DGKB: variants seen among roughly 807,000 people sequenced by gnomAD.
The protein encoded by DGKB is diacylglycerol kinase beta.
In DGKB, 67 loss-of-function variants were observed where a neutral mutation model predicts 114.3. The observed-to-expected ratio is 0.59, with a 90% CI of 0.48 to 0.72. DGKB has a LOEUF of 0.72. DGKB is among the 30% of genes least tolerant of loss of function. The pLI, the probability that DGKB is intolerant of heterozygous loss-of-function variation, is 0.00. For synonymous variants in DGKB, 398 were observed against 323.1 expected, an observed-to-expected ratio of 1.23 and a Z score of -2.49; for missense variants, 907 against 975.2, an observed-to-expected ratio of 0.93 and a Z score of 0.93.
intron 1 of DGKB, among the ~76,000 whole-genome samples, chr7:14,973,504 TTTTG>T (rs149923219): frequency 0.047 from 7,116 of 150,086 alleles, 178 homozygotes; most frequent in African/African-American, 0.062. Flanking sequence ...TTTTGTTTTG[TTTTG>T]TTTGTTTTTT....
intron 25 of DGKB, among the ~76,000 whole-genome samples, chr7:14,161,669 G>T (rs1398617391): frequency 2.6e-5 from 4 of 151,936 alleles, no homozygotes; most frequent in African/African-American, 4.8e-5. Context: ...CCTGTTGGGG[G>T]GTGGGGGGCA....
chr7:14,169,794 T>A (rs1780578464), intron 25 of DGKB, among the ~76,000 whole-genome samples: 1 of 151,792 alleles, frequency 6.6e-6, no homozygotes, highest in Admixed American at 6.6e-5. Context: ...TGAAAAGGGA[T>A]TTTCTGTTTT....
chr7:14,815,556 G>A (rs958895292), intron 2 of DGKB, among the ~76,000 whole-genome samples: 2 of 152,076 alleles, frequency 1.3e-5, no homozygotes, highest in Non-Finnish European at 2.9e-5. Flanking sequence ...GCTTACATAG[G>A]TGCTATGGCA....
chr7:14,948,180 A>T (rs1785984990), intron 1 of DGKB, among the ~76,000 whole-genome samples: 1 of 151,834 alleles, frequency 6.6e-6, no homozygotes, highest in African/African-American at 2.4e-5. Flanking sequence ...TAGAATAGCA[A>T]ATCTTAACAG....
At chr7:14,748,951 G>C (rs1187045126) in intron 4 of DGKB, among the ~76,000 whole-genome samples, 1 of 152,054 alleles carries the variant, frequency 6.6e-6, no homozygotes, top group Non-Finnish European at 1.5e-5. Context: ...AAAATACTAT[G>C]CGCTTACTGG....
chr7:14,955,904 T>C (rs898338487), intron 1 of DGKB, among the ~76,000 whole-genome samples: 4 of 151,968 alleles, frequency 2.6e-5, no homozygotes, highest in African/African-American at 9.7e-5. Context: ...TTTCAGGCCA[T>C]TGGAGATTAA....
Position 14,471,202 on chromosome 7 carries a change from A to G in DGKB, c.1835+6959T>C, listed in dbSNP as rs1044957192. 1.3e-4 allele frequency among the ~76,000 whole-genome samples: 14 copies of G among 109,352 alleles called. 2 individuals are homozygous for G. Among genetic ancestry groups the G allele is most frequent in the South Asian group, 3.0e-4 (1 of 3,364 alleles). The allele number at this position is 109,352 out of a possible 152,430, so 71.7% of individuals were successfully genotyped here. On this transcript the variant is annotated intron_variant, in intron 21 of 25. Coordinates refer to ENST00000402815, the MANE Select transcript of DGKB (RefSeq NM_001350709.2). ...ATGTATATATACATATATGTATGGA[A>G]TATATGTATATATACATATATATGT... is the stretch of plus-strand genomic sequence containing the variant.
chr7:14,193,198 A>C (rs1784557008), intron 23 of DGKB, among the ~76,000 whole-genome samples: 2 of 152,142 alleles, frequency 1.3e-5, no homozygotes, highest in South Asian at 4.1e-4. Flanking sequence ...AACAACTATA[A>C]AATTCTGTAG....
rs958718423 is a variant in DGKB at position 14,147,681 on chromosome 7, C to T, written c.*1450G>A. ...TAATAAATCATGCAGTTCAGGCACT[C>T]GTTTTCCTTATGGCATGTTTGAAAA... is the stretch of plus-strand genomic sequence containing the variant. On this transcript the variant is annotated 3_prime_UTR_variant, in exon 26 of 26. Transcript: ENST00000402815. The T allele has an allele frequency of 2.6e-5, 4 of 152,516 alleles. No individual in the cohort carries two copies. Among genetic ancestry groups the T allele is most frequent in the African/African-American group, 9.7e-5 (4 of 41,432 alleles). The allele number at this position is 152,516 out of a possible 1,614,324, so 9.4% of individuals were successfully genotyped here. A position where few individuals can be genotyped will look rare whatever the true frequency, so the allele number is the denominator to read the frequency against.
rs201650466 is a variant in DGKB at position 14,461,625 on chromosome 7, C to CA, written c.1835+16535dup. On this transcript the variant is annotated intron_variant, in intron 21 of 25. Transcript: ENST00000402815. ...AGGCTGTAATTAATAGCCTACAAAC[C>CA]AAAAAAAAGCCTAGGACCAGACAGA... 5.4e-3 allele frequency among the ~76,000 whole-genome samples: 811 copies of CA among 150,810 alleles called. 4 individuals carry two copies. The highest frequency in any genetic ancestry group is 0.017 in the Middle Eastern group (5 of 292).
intron 15 of DGKB, among the ~76,000 whole-genome samples, chr7:14,620,777 G>A (rs555552387): frequency 2.6e-5 from 4 of 151,746 alleles, no homozygotes; most frequent in Non-Finnish European, 5.9e-5. Context: ...GCCACAGGCG[G>A]TAAAGATAAC....
chr7:14,900,936 A>T (rs1262051761), intron 1 of DGKB, among the ~76,000 whole-genome samples: 1 of 152,172 alleles, frequency 6.6e-6, no homozygotes, highest in Non-Finnish European at 1.5e-5. Context: ...AATTTGCTCC[A>T]ACCATATTCT....
At chr7:14,162,172 A>G (rs1463546484) in intron 25 of DGKB, among the ~76,000 whole-genome samples, 1 of 152,240 alleles carries the variant, frequency 6.6e-6, no homozygotes, top group African/African-American at 2.4e-5. Context: ...AGGCAAGGTC[A>G]GAAGGCAAAT....
chr7:14,550,586 A>G (rs902320946), intron 20 of DGKB, among the ~76,000 whole-genome samples: 1 of 152,188 alleles, frequency 6.6e-6, no homozygotes, highest in African/African-American at 2.4e-5. Flanking sequence ...TTTATGTCAC[A>G]AAACAATAAA....
chr7:14,308,289 A>G (rs948881098), intron 23 of DGKB, among the ~76,000 whole-genome samples: 1 of 152,006 alleles, frequency 6.6e-6, no homozygotes, highest in Non-Finnish European at 1.5e-5. Context: ...AAATTTGGAC[A>G]TTTTCATTAT....
chr7:14,182,710 C>T (rs945035388), intron 23 of DGKB, among the ~76,000 whole-genome samples: 2 of 152,106 alleles, frequency 1.3e-5, no homozygotes, highest in African/African-American at 4.8e-5. Flanking sequence ...GATTAGAGGA[C>T]ACACGAGCAG....
intron 23 of DGKB, among the ~76,000 whole-genome samples, chr7:14,276,848 T>A (rs1179197905): frequency 1.3e-5 from 2 of 151,968 alleles, no homozygotes; most frequent in Admixed American, 1.3e-4. Context: ...TATTGCTTTA[T>A]AATTTTACAT....
intron 21 of DGKB, among the ~76,000 whole-genome samples, chr7:14,388,123 C>A (rs774887317): frequency 2.0e-5 from 3 of 151,172 alleles, no homozygotes; most frequent in Admixed American, 1.3e-4. Flanking sequence ...GTGATCCACT[C>A]GCCTTGGCCT....
At chr7:14,930,612 G>A (rs1312625340) in intron 1 of DGKB, among the ~76,000 whole-genome samples, 1 of 152,104 alleles carries the variant, frequency 6.6e-6, no homozygotes, top group African/African-American at 2.4e-5. Context: ...TTGGTGGAGT[G>A]TTTAGGTTTT....
Sources: allele counts gnomAD v4.1 joint callset (sites outside exome capture counted in the v4.1 genomes callset), GRCh38; gene constraint gnomAD v4.1.1; transcripts MANE v1.5; gene names NCBI Gene and HGNC (gene_info 2026-07-23, HGNC 2026-07-21).